NFXL1: variants seen among roughly 807,000 people sequenced by gnomAD.
The protein encoded by NFXL1 is nuclear transcription factor, X-box binding like 1.
NFXL1 carries 66 observed loss-of-function variants against 123.3 expected under a neutral mutation model. That is an observed-to-expected ratio of 0.54 (90% confidence interval 0.44 to 0.66). NFXL1 has a LOEUF of 0.66. Among genes scored for constraint, NFXL1 ranks in the 30% least tolerant of loss-of-function variants. The probability of loss-of-function intolerance (pLI) is 0.00; values close to 1 mark genes in which losing one functional copy is unlikely to be tolerated. For synonymous variants in NFXL1, 346 were observed against 360.8 expected (o/e 0.96, Z 0.46); for missense variants, 944 against 1,125.6 (o/e 0.84, Z 2.31).
chr4:47,875,705 G>A (rs1735706351), intron 17 of NFXL1, among the ~76,000 whole-genome samples: 1 of 152,062 alleles, frequency 6.6e-6, no homozygotes, highest in East Asian at 1.9e-4. Context: ...TCAATACACT[G>A]TTAACACATA....
chr4:47,910,125 C>G (rs1179965937), intron 3 of NFXL1, among the ~76,000 whole-genome samples: 1 of 152,116 alleles, frequency 6.6e-6, no homozygotes, highest in African/African-American at 2.4e-5. Flanking sequence ...TAAGAGCAAT[C>G]AGATATAAAC....
At chr4:47,910,710 C>T in intron 3 of NFXL1, 114 bp downstream of exon 3, 1 of 551,252 alleles carries the variant, frequency 1.8e-6, no homozygotes, top group Non-Finnish European at 3.1e-6. Context: ...CTATAACATA[C>T]AGTGCTCATC....
At chr4:47,859,871 CA>C (rs1333883635) in intron 19 of NFXL1, among the ~76,000 whole-genome samples, 2 of 52,572 alleles carry the variant, frequency 3.8e-5, no homozygotes, top group Admixed American at 5.8e-4. Context: ...AAAAAAAAAA[CA>C]AACAAACAAA....
chr4:47,871,113 G>A (rs1272343208), intron 18 of NFXL1, among the ~76,000 whole-genome samples: 1 of 152,098 alleles, frequency 6.6e-6, no homozygotes, highest in Non-Finnish European at 1.5e-5. Flanking sequence ...TTCTTTGGGA[G>A]GCCGAGGCGG....
At chr4:47,865,851 C>CA (rs1386094657) in intron 18 of NFXL1, among the ~76,000 whole-genome samples, 13 of 151,744 alleles carry the variant, frequency 8.6e-5, no homozygotes, top group South Asian at 2.1e-4. Context: ...CCCGTCTCTA[C>CA]AAAAAAACAC....
chr4:47,914,274 G>T, intron 1 of NFXL1, 69 bp from the exon 2 acceptor site: 5 of 1,250,498 alleles, frequency 4.0e-6, no homozygotes, highest in Non-Finnish European at 1.1e-6. Context: ...GCGAAGGAGG[G>T]TCAGTGCGGA....
intron 15 of NFXL1, among the ~76,000 whole-genome samples, chr4:47,880,426 C>CA (rs752132328): frequency 0.04 from 1,403 of 34,714 alleles, 24 homozygotes; most frequent in African/African-American, 0.045. Flanking sequence ...GATCCAGTCT[C>CA]AAAAAAAAAA....
intron 5 of NFXL1, among the ~76,000 whole-genome samples, chr4:47,900,110 A>G (rs1737297324): frequency 6.6e-6 from 1 of 152,250 alleles, no homozygotes; most frequent in Non-Finnish European, 1.5e-5. Flanking sequence ...GACATGCAAT[A>G]CCGCAAGAAA....
At chr4:47,850,528 T>C (rs904826537) in intron 22 of NFXL1, among the ~76,000 whole-genome samples, 1 of 152,086 alleles carries the variant, frequency 6.6e-6, no homozygotes, top group African/African-American at 2.4e-5. Flanking sequence ...TTCAAGTGTA[T>C]GATCAATAAA....
chr4:47,869,382 T>G (rs935614783), intron 18 of NFXL1, among the ~76,000 whole-genome samples: 1 of 152,168 alleles, frequency 6.6e-6, no homozygotes, highest in Admixed American at 6.5e-5. Flanking sequence ...CTCAAGCACA[T>G]GGAACATTCA....
intron 21 of NFXL1, among the ~76,000 whole-genome samples, 169 bp downstream of exon 21, chr4:47,851,687 C>G (rs145487387): frequency 4.6e-5 from 7 of 152,034 alleles, no homozygotes; most frequent in African/African-American, 1.7e-4. Context: ...TTCATATACA[C>G]TAGGCAATGA....
rs573581336 is a variant in NFXL1 at position 47,887,647 on chromosome 4, C to T, written c.1544-1648G>A. 1.7e-3 allele frequency among the ~76,000 whole-genome samples: 259 copies of T among 152,244 alleles called. 1 individual carries two copies. The highest frequency in any genetic ancestry group is 5.5e-3 in the African/African-American group (230 of 41,556). On this transcript the variant is annotated intron_variant, in intron 12 of 22. Coordinates refer to ENST00000507489, the MANE Select transcript of NFXL1 (RefSeq NM_001278624.2). ...GATATTTAAGTCGGTTCTCATTCGG[C>T]ATATTATATCTGTTTCTATACTTAA...
chr4:47,914,443 C>T lies in NFXL1; in HGVS notation c.-81G>A, dbSNP rs1738012063. On this transcript the variant is annotated 5_prime_UTR_variant, in exon 1 of 23. Transcript: ENST00000507489. ...GGGAGGACTAGGTACAGAAATAAACCGCGGAGCAAGAAGCACACAGTGCCG... is the reference window on the plus strand; with the variant it reads ...GGGAGGACTAGGTACAGAAATAAACTGCGGAGCAAGAAGCACACAGTGCCG... 2.2e-6 allele frequency: 1 copy of T among 453,464 alleles called. No individual in the cohort carries two copies. The highest frequency in any genetic ancestry group is 2.0e-5 in the African/African-American group (1 of 50,422). The allele number at this position is 453,464 out of a possible 1,614,324, so 28.1% of individuals were successfully genotyped here.
At chr4:47,902,808 T>C (rs1294084208) in intron 5 of NFXL1, among the ~76,000 whole-genome samples, 7 of 152,194 alleles carry the variant, frequency 4.6e-5, no homozygotes, top group African/African-American at 1.7e-4. Context: ...ACATGGATAT[T>C]GAAACCACCA....
intron 22 of NFXL1, among the ~76,000 whole-genome samples, chr4:47,849,700 C>T (rs1007448744): frequency 5.9e-5 from 9 of 152,104 alleles, no homozygotes; most frequent in Admixed American, 5.2e-4. Flanking sequence ...TGGTGACTCA[C>T]AGTCACCAAG....
intron 2 of NFXL1, among the ~76,000 whole-genome samples, chr4:47,913,011 C>CAAAA (rs574444228): frequency 1.3e-5 from 1 of 74,520 alleles, no homozygotes. Context: ...GACTCTGTCT[C>CAAAA]AAAAAAAAAA....
intron 18 of NFXL1, among the ~76,000 whole-genome samples, chr4:47,869,647 T>G (rs888144168): frequency 6.6e-6 from 1 of 151,962 alleles, no homozygotes; most frequent in African/African-American, 2.4e-5. Context: ...ATGATAAAAA[T>G]GAAAGCATGA....
intron 12 of NFXL1, among the ~76,000 whole-genome samples, chr4:47,886,928 G>A (rs556008887): frequency 6.6e-6 from 1 of 152,056 alleles, no homozygotes; most frequent in African/African-American, 2.4e-5. Flanking sequence ...CCTGATATTG[G>A]TTAGTAGCAA....
intron 2 of NFXL1, among the ~76,000 whole-genome samples, chr4:47,912,465 T>C (rs1358749257): frequency 3.4e-5 from 5 of 148,444 alleles, no homozygotes; most frequent in African/African-American, 1.2e-4. Context: ...TTCTTTCTTT[T>C]TTTTTTTTTT....
Sources: allele counts gnomAD v4.1 joint callset (sites outside exome capture counted in the v4.1 genomes callset), GRCh38; gene constraint gnomAD v4.1.1; transcripts MANE v1.5; gene names NCBI Gene and HGNC (gene_info 2026-07-23, HGNC 2026-07-21).